The following PIK3CA variants were observed in gnomAD, a reference collection of about 807,000 sequenced individuals.
PIK3CA encodes the protein phosphatidylinositol 4,5-bisphosphate 3-kinase catalytic subunit alpha isoform.
In PIK3CA, 27 loss-of-function variants were observed where a neutral mutation model predicts 138.2. The ratio of observed to expected loss-of-function variants is 0.20; its 90% CI spans 0.14 to 0.27. The LOEUF (loss-of-function observed/expected upper bound fraction) is 0.27. Ranked by LOEUF, PIK3CA falls within the 10% of genes least tolerant of loss-of-function variation. PIK3CA has a pLI of 1.00. For synonymous variants in PIK3CA, 358 were observed against 413.2 expected (o/e 0.87, Z 1.62); for missense variants, 544 against 1,277.4 (o/e 0.43, Z 8.75).
intron 9 of PIK3CA, among the ~76,000 whole-genome samples, chr3:179,217,719 T>G (rs1724869172): frequency 6.6e-6 from 1 of 152,090 alleles, no homozygotes; most frequent in Non-Finnish European, 1.5e-5. Flanking sequence ...TGTTTCTTCA[T>G]TCTTTTTTTC....
intron 1 of PIK3CA, among the ~76,000 whole-genome samples, chr3:179,195,260 G>GA (rs370744912): frequency 0.056 from 7,751 of 138,582 alleles, 259 homozygotes; most frequent in Middle Eastern, 0.2. Context: ...CCTTCTCGGT[G>GA]AAAAAAAAAA....
chr3:179,180,324 T>C (rs916553139), intron 1 of PIK3CA, among the ~76,000 whole-genome samples: 12 of 152,154 alleles, frequency 7.9e-5, no homozygotes, highest in Non-Finnish European at 1.0e-4. Context: ...ATTACCACGT[T>C]CTGCCTTGTA....
At chr3:179,187,331 A>T (rs1724008157) in intron 1 of PIK3CA, among the ~76,000 whole-genome samples, 1 of 151,770 alleles carries the variant, frequency 6.6e-6, no homozygotes, top group African/African-American at 2.4e-5. Context: ...AGGTCAGGAG[A>T]TCGAGACCAT....
At chr3:179,179,170 C>T (rs1212360809) in intron 1 of PIK3CA, among the ~76,000 whole-genome samples, 4 of 152,176 alleles carry the variant, frequency 2.6e-5, no homozygotes, top group African/African-American at 9.7e-5. Flanking sequence ...AAGTTTACAA[C>T]CTAGCATTTT....
intron 9 of PIK3CA, among the ~76,000 whole-genome samples, chr3:179,212,297 C>T (rs1254971486): frequency 1.3e-5 from 2 of 149,236 alleles, no homozygotes; most frequent in East Asian, 2.1e-4. Flanking sequence ...CGTGAGCCAC[C>T]GCGCCCGGCC....
chr3:179,150,326 T>TTA (rs1467376379), intron 1 of PIK3CA, among the ~76,000 whole-genome samples: 3 of 152,120 alleles, frequency 2.0e-5, no homozygotes, highest in African/African-American at 7.2e-5. Context: ...ACAAAATAGT[T>TTA]TATTTAAAAA....
Position 179,218,114 on chromosome 3 carries a change from T to C in PIK3CA, c.1540-96T>C, listed in dbSNP as rs1248962948. ...CAGTTAATTAGCAATGTAAAATTTA[T>C]TGAAAATGTATTTGCTTTTTCTGTA... is the stretch of plus-strand genomic sequence containing the variant. On this transcript the variant is annotated intron_variant, in intron 9 of 20. Coordinates refer to ENST00000263967, the MANE Select transcript of PIK3CA (RefSeq NM_006218.4). 5 of 1,172,628 alleles carry C rather than the reference T, an allele frequency of 4.3e-6. No individual in the cohort carries two copies. In the African/African-American group the frequency reaches 6.4e-5, roughly 15 times the overall value. The allele number at this position is 1,172,628 out of a possible 1,614,324, so 72.6% of individuals were successfully genotyped here.
chr3:179,157,814 A>G (rs765562980), intron 1 of PIK3CA, among the ~76,000 whole-genome samples: 5 of 152,122 alleles, frequency 3.3e-5, no homozygotes, highest in Non-Finnish European at 5.9e-5. Context: ...GAGTCAGACT[A>G]TCGAGATTAC....
At chr3:179,189,209 A>C (rs1045095042) in intron 1 of PIK3CA, among the ~76,000 whole-genome samples, 1 of 152,104 alleles carries the variant, frequency 6.6e-6, no homozygotes, top group African/African-American at 2.4e-5. Context: ...GCAAGACTCC[A>C]TCTCAAAAAA....
intron 1 of PIK3CA, among the ~76,000 whole-genome samples, chr3:179,189,850 T>C (rs1724083130): frequency 6.6e-6 from 1 of 152,200 alleles, no homozygotes; most frequent in South Asian, 2.1e-4. Flanking sequence ...AAAGTGTGAG[T>C]TAAATCTGTT....
rs909875340 is a variant in PIK3CA, at chr3:179,230,571, T to G, written c.2936+195T>G. On this transcript the variant is annotated intron_variant, in intron 20 of 20. Coordinates refer to ENST00000263967, the MANE Select transcript of PIK3CA (RefSeq NM_006218.4). This position sits in a 1 kb window ranked among gnomAD's most constrained non-coding sequence, Gnocchi z 5.4. ...GGAATTGAAACCAGCCTGGGTAACA[T>G]AGAGAGAATTCATGTCTACAAAAAA... is the stretch of plus-strand genomic sequence containing the variant. Among the ~76,000 whole-genome samples, 2 of 151,958 alleles carry G rather than the reference T, an allele frequency of 1.3e-5. No individual in the cohort carries two copies. The highest frequency in any genetic ancestry group is 2.1e-4 in the South Asian group (1 of 4,818).
intron 9 of PIK3CA, 86 bp from the exon 10 acceptor site, chr3:179,218,124 A>G: frequency 8.0e-7 from 1 of 1,245,022 alleles, no homozygotes; most frequent in Non-Finnish European, 1.1e-6. Context: ...TTGAAAATGT[A>G]TTTGCTTTTT....
At chr3:179,225,529 C>T (rs1725063488) in intron 16 of PIK3CA, among the ~76,000 whole-genome samples, 1 of 152,030 alleles carries the variant, frequency 6.6e-6, no homozygotes, top group African/African-American at 2.4e-5. Context: ...ACTATAAATG[C>T]TTTAATTAAA....
chr3:179,150,731 A>C (rs1444711620), intron 1 of PIK3CA, among the ~76,000 whole-genome samples: 1 of 152,246 alleles, frequency 6.6e-6, no homozygotes, highest in African/African-American at 2.4e-5. Flanking sequence ...CCAAATCAGT[A>C]TCCCCTTAAA....
rs114379914 is a variant in PIK3CA, at chr3:179,148,854, C to T, written c.-77+251C>T. 9.1e-3 allele frequency among the ~76,000 whole-genome samples: 1,379 copies of T among 152,284 alleles called. 29 individuals carry two copies. Among genetic ancestry groups the T allele is most frequent in the African/African-American group, 0.032 (1,312 of 41,556 alleles). ...CTCTCTGGCTGCCGCCTCGCTCTTC[C>T]TTTGCTTCTACTCCCAGTTTTGGGG... On this transcript the variant is annotated intron_variant, in intron 1 of 20. Transcript: ENST00000263967.
Position 179,230,149 on chromosome 3 carries a change from T to C in PIK3CA, c.2784+28T>C. Reference sequence around the variant, plus strand: ...AATGGTTTTCTCTGTTTAAAATGTTTTGGTGTTCTTAATTTATTCAAGACA... The same window carrying C: ...AATGGTTTTCTCTGTTTAAAATGTTCTGGTGTTCTTAATTTATTCAAGACA... On this transcript the variant is annotated intron_variant, in intron 19 of 20. Transcript: ENST00000263967. This position sits in a 1 kb window ranked among gnomAD's most constrained non-coding sequence, Gnocchi z 5.4. 1 of 1,577,474 alleles carries C rather than the reference T, an allele frequency of 6.3e-7. No individual in the cohort carries two copies. Among genetic ancestry groups the C allele is most frequent in the South Asian group, 1.1e-5 (1 of 90,030 alleles).
rs1282002144 is a variant in PIK3CA at position 179,230,779 on chromosome 3, A to C, written c.2936+403A>C. Among the ~76,000 whole-genome samples, 3 of 152,082 alleles carry C rather than the reference A, an allele frequency of 2.0e-5. No individual in the cohort carries two copies. The highest frequency in any genetic ancestry group is 4.8e-5 in the African/African-American group (2 of 41,420). On this transcript the variant is annotated intron_variant, in intron 20 of 20. Transcript: ENST00000263967. This position sits in a 1 kb window ranked among gnomAD's most constrained non-coding sequence, Gnocchi z 5.4. ...AAAATAAATAAAATGAAATAATAGAAGTTCTTTTACCACTTCAGCAAAAAC... is the reference window on the plus strand; with the variant it reads ...AAAATAAATAAAATGAAATAATAGACGTTCTTTTACCACTTCAGCAAAAAC...
intron 1 of PIK3CA, among the ~76,000 whole-genome samples, chr3:179,189,157 T>C (rs1724063270): frequency 1.3e-5 from 2 of 152,104 alleles, no homozygotes; most frequent in Non-Finnish European, 1.5e-5. Context: ...GAGGTTGCAG[T>C]GAGCCGAAAT....
intron 7 of PIK3CA, 101 bp downstream of exon 7, chr3:179,209,801 GA>G: frequency 1.8e-6 from 1 of 546,764 alleles, no homozygotes; most frequent in Middle Eastern, 3.6e-4. Flanking sequence ...TTATATTTAA[GA>G]AAATAATAAT....
Sources: allele counts gnomAD v4.1 joint callset (sites outside exome capture counted in the v4.1 genomes callset), GRCh38; gene constraint gnomAD v4.1.1; non-coding constraint Gnocchi (gnomAD v3.1); transcripts MANE v1.5; gene names NCBI Gene and HGNC (gene_info 2026-07-23, HGNC 2026-07-21).